Variants in RIN2 observed in about 807,000 individuals in gnomAD.
RIN2 encodes the protein Ras and Rab interactor 2, also known as RAB5 interacting protein 2.
Under a neutral mutation model 78.0 loss-of-function variants are expected in RIN2, and 36 were observed. The observed-to-expected ratio is 0.46, with a 90% CI of 0.35 to 0.61. RIN2 has a LOEUF of 0.61. RIN2 is among the 20% of genes least tolerant of loss of function. The pLI is 0.00. For missense variants in RIN2, 1,087 were observed against 1,159.7 expected (o/e 0.94, Z 0.91); for synonymous variants, 466 against 466.8 (o/e 1.00, Z 0.02).
intron 8 of RIN2, among the ~76,000 whole-genome samples, chr20:19,971,934 G>A (rs1034348899): frequency 6.6e-6 from 1 of 152,006 alleles, no homozygotes; most frequent in Admixed American, 6.6e-5. Flanking sequence ...TAGCGACGGC[G>A]TTTCACCACG....
chr20:19,805,793 T>TGTGCCATGGTGGTTTGCTG (rs2035390320), intron 2 of RIN2, among the ~76,000 whole-genome samples: 1 of 152,068 alleles, frequency 6.6e-6, no homozygotes, highest in Admixed American at 6.5e-5. Flanking sequence ...TAGGTATACA[T>TGTGCCATGGTGGTTTGCTG]GTGCCATGGT....
intron 1 of RIN2, among the ~76,000 whole-genome samples, chr20:19,797,328 A>G (rs1568760295): frequency 1.3e-5 from 2 of 152,214 alleles, no homozygotes; most frequent in Non-Finnish European, 2.9e-5. Context: ...TCAGGAAAAC[A>G]TTATCCCTTG....
intron 4 of RIN2, among the ~76,000 whole-genome samples, chr20:19,941,970 A>T (rs2040889113): frequency 6.6e-6 from 1 of 152,066 alleles, no homozygotes; most frequent in South Asian, 2.1e-4. Context: ...AAAATTAGCC[A>T]GGCGCAGTGG....
chr20:19,773,391 T>G (rs936249074), intron 1 of RIN2, among the ~76,000 whole-genome samples: 2 of 152,180 alleles, frequency 1.3e-5, no homozygotes, highest in African/African-American at 4.8e-5. Context: ...TGATGAGATA[T>G]CCAGGAAGTG....
intron 2 of RIN2, among the ~76,000 whole-genome samples, chr20:19,866,691 C>A (rs1357795453): frequency 2.0e-5 from 3 of 152,160 alleles, no homozygotes; most frequent in Non-Finnish European, 4.4e-5. Flanking sequence ...GTGGCATGAT[C>A]TCAGCTCACT....
intron 2 of RIN2, chr20:19,886,917 C>G (rs1354905713): frequency 1.8e-6 from 1 of 551,906 alleles, no homozygotes; most frequent in African/African-American, 1.9e-5. Context: ...AAATTGCTGT[C>G]AATATTGAGT....
At chr20:19,810,988 G>A (rs2035581185) in intron 2 of RIN2, among the ~76,000 whole-genome samples, 1 of 151,690 alleles carries the variant, frequency 6.6e-6, no homozygotes, top group African/African-American at 2.4e-5. Flanking sequence ...TGGGATTACA[G>A]GCGTGAACCA....
At position 19,954,372 on chromosome 20, in the gene RIN2, T is replaced by C. The variant is rs141787053; in HGVS notation, c.159-2243T>C. ...GAATCTAAACCTGCTTGTTTGGACA[T>C]GAATGGTCAGGTCTGGTGTCCCTTG... On this transcript the variant is annotated intron_variant, in intron 4 of 12. Coordinates refer to ENST00000255006, the MANE Select transcript of RIN2 (RefSeq NM_018993.4). Among the ~76,000 whole-genome samples, 795 of 152,302 alleles carry C rather than the reference T, an allele frequency of 5.2e-3. 11 individuals carry two copies. Among genetic ancestry groups the C allele is most frequent in the African/African-American group, 0.017 (710 of 41,566 alleles).
intron 2 of RIN2, among the ~76,000 whole-genome samples, chr20:19,886,042 A>C (rs897966025): frequency 6.6e-6 from 1 of 152,218 alleles, no homozygotes. Context: ...AGGAGGGAAC[A>C]GGCCTGTCCT....
At chr20:19,858,830 A>T (rs1227519603) in intron 2 of RIN2, among the ~76,000 whole-genome samples, 1 of 152,218 alleles carries the variant, frequency 6.6e-6, no homozygotes, top group African/African-American at 2.4e-5. Context: ...TGCTTTTCAT[A>T]AAGAGACCCT....
At chr20:19,909,416 G>T (rs2039364285) in intron 3 of RIN2, among the ~76,000 whole-genome samples, 1 of 152,156 alleles carries the variant, frequency 6.6e-6, no homozygotes, top group African/African-American at 2.4e-5. Context: ...TTTCCCAAGT[G>T]ACACAGAAGT....
chr20:19,794,851 T>C (rs572986456), intron 1 of RIN2, among the ~76,000 whole-genome samples: 5 of 152,330 alleles, frequency 3.3e-5, no homozygotes, highest in Admixed American at 3.3e-4. Context: ...AATTCATGAA[T>C]AATTCTGATC....
At chr20:19,853,345 G>A (rs1315031650) in intron 2 of RIN2, among the ~76,000 whole-genome samples, 8 of 152,046 alleles carry the variant, frequency 5.3e-5, no homozygotes, top group East Asian at 3.9e-4. Flanking sequence ...ATAAACATAC[G>A]TGTGCATGTG....
intron 3 of RIN2, among the ~76,000 whole-genome samples, chr20:19,920,204 G>C (rs2039857247): frequency 6.6e-6 from 1 of 151,544 alleles, no homozygotes; most frequent in Non-Finnish European, 1.5e-5. Flanking sequence ...GCTGAGGCAG[G>C]AGAATGGCGT....
At chr20:19,987,317 G>A (rs1345110656) in intron 9 of RIN2, among the ~76,000 whole-genome samples, 6 of 152,190 alleles carry the variant, frequency 3.9e-5, no homozygotes, top group South Asian at 2.1e-4. Context: ...TTGTCCTCCC[G>A]TGGTGACCCT....
At chr20:19,784,894 G>A (rs959430560) in intron 1 of RIN2, among the ~76,000 whole-genome samples, 1 of 152,182 alleles carries the variant, frequency 6.6e-6, no homozygotes, top group African/African-American at 2.4e-5. Flanking sequence ...TACTGGGAGA[G>A]AGGAGGGAAA....
chr20:19,965,546 A>G lies in RIN2; in HGVS notation c.536+522A>G, dbSNP rs78954432. ...TGTCCTTCAGGCCAACTGGGTGCTC[A>G]TGTCCTTTTCATAACCAAAGCAACT... On this transcript the variant is annotated intron_variant, in intron 7 of 12. Transcript: ENST00000255006. 5.0e-3 allele frequency among the ~76,000 whole-genome samples: 766 copies of G among 152,314 alleles called. 7 individuals are homozygous for G. Among genetic ancestry groups the G allele is most frequent in the African/African-American group, 0.017 (706 of 41,560 alleles).
At chr20:19,937,375 TCTGACG>T (rs925227725) in intron 4 of RIN2, among the ~76,000 whole-genome samples, 2 of 152,214 alleles carry the variant, frequency 1.3e-5, no homozygotes, top group African/African-American at 4.8e-5. Flanking sequence ...GCTCTGCACG[TCTGACG>T]GCTGCAGGAA....
rs144251699 is a variant in RIN2 at position 19,901,846 on chromosome 20, G to A, written c.57+12188G>A. On this transcript the variant is annotated intron_variant, in intron 3 of 12. Coordinates refer to ENST00000255006, the MANE Select transcript of RIN2 (RefSeq NM_018993.4). ...AGCCTGGCCAACATGGTGAAACCCC[G>A]TCTCTACTACAGACACAAAAATTAG... Among the ~76,000 whole-genome samples the A allele has an allele frequency of 9.7e-3, 1,480 of 151,864 alleles. 28 individuals carry two copies. Among genetic ancestry groups the A allele is most frequent in the African/African-American group, 0.034 (1,395 of 41,418 alleles).
Sources: gnomAD v4.1 joint callset for allele counts (sites outside exome capture counted in the v4.1 genomes callset) on GRCh38, gnomAD v4.1.1 for gene constraint, MANE v1.5 for transcripts, NCBI Gene and HGNC (gene_info 2026-07-23, HGNC 2026-07-21) for gene names.